RALGAPA1: variants seen among roughly 807,000 people sequenced by gnomAD.
RALGAPA1 encodes Ral GTPase activating protein catalytic subunit alpha 1.
A neutral mutation model predicts 269.6 loss-of-function variants in RALGAPA1; 52 were observed. That is an observed-to-expected ratio of 0.19 (90% CI 0.15 to 0.24). RALGAPA1 has a LOEUF of 0.24. RALGAPA1 is among the 10% of genes least tolerant of loss of function. RALGAPA1 has a pLI of 1.00. For synonymous variants in RALGAPA1, 817 were observed against 1,008.3 expected (o/e 0.81, Z 3.60); for missense variants, 1,917 against 3,013.9 (o/e 0.64, Z 8.52).
At chr14:35,644,172 G>C (rs932357871) in intron 31 of RALGAPA1, among the ~76,000 whole-genome samples, 2 of 152,066 alleles carry the variant, frequency 1.3e-5, no homozygotes, top group Middle Eastern at 3.2e-3. Context: ...CACCTACTAT[G>C]TACCCAGAAC....
intron 12 of RALGAPA1, among the ~76,000 whole-genome samples, chr14:35,731,335 C>T (rs1055393027): frequency 8.5e-5 from 13 of 152,058 alleles, no homozygotes; most frequent in Non-Finnish European, 1.8e-4. Flanking sequence ...CTCTTTAACA[C>T]CCCCAAGAAT....
chr14:35,726,938 T>C (rs754952751), intron 13 of RALGAPA1, among the ~76,000 whole-genome samples: 2 of 152,126 alleles, frequency 1.3e-5, no homozygotes, highest in African/African-American at 2.4e-5. Context: ...ATCTGTATCA[T>C]AGGGTGCTGT....
In RALGAPA1 at chr14:35,671,139, T is replaced by C. The variant is rs547042999; in HGVS notation, c.5202+250A>G. 1.2e-4 allele frequency among the ~76,000 whole-genome samples: 18 copies of C among 152,320 alleles called. No individual in the cohort carries two copies. The East Asian group carries it at 2.9e-3, about 24-fold the overall frequency. On this transcript the variant is annotated intron_variant, in intron 26 of 41. Transcript: ENST00000680220. Reference sequence around the variant, plus strand: ...CCTCTTGCTATAGCCCATTGCTCTTTCTTTGCTTTCTTCCCTCCGTTTCTT... The same window carrying C: ...CCTCTTGCTATAGCCCATTGCTCTTCCTTTGCTTTCTTCCCTCCGTTTCTT...
intron 27 of RALGAPA1, among the ~76,000 whole-genome samples, chr14:35,661,390 C>A (rs535273111): frequency 6.6e-6 from 1 of 151,858 alleles, no homozygotes; most frequent in Admixed American, 6.6e-5. Context: ...GGGGAGAAAA[C>A]GAAGAACAAA....
At chr14:35,703,623 T>C (rs1005212381) in intron 16 of RALGAPA1, among the ~76,000 whole-genome samples, 9 of 152,204 alleles carry the variant, frequency 5.9e-5, no homozygotes, top group East Asian at 3.8e-4. Flanking sequence ...ACCCTCACTA[T>C]AGAAAATTAT....
chr14:35,711,900 T>C (rs2140843567), intron 16 of RALGAPA1, among the ~76,000 whole-genome samples: 1 of 152,334 alleles, frequency 6.6e-6, no homozygotes, highest in East Asian at 1.9e-4. Flanking sequence ...CAAGCTATAA[T>C]CACCTAATAT....
At chr14:35,657,193 T>C (rs76825008) in intron 28 of RALGAPA1, among the ~76,000 whole-genome samples, 2 of 145,218 alleles carry the variant, frequency 1.4e-5, no homozygotes, top group African/African-American at 2.5e-5. Context: ...TTCTTTTTTC[T>C]TTTTTTTTTT....
chr14:35,606,341 T>C (rs2059595471), intron 35 of RALGAPA1, among the ~76,000 whole-genome samples: 1 of 152,184 alleles, frequency 6.6e-6, no homozygotes, highest in African/African-American at 2.4e-5. Flanking sequence ...AAGCTACAAA[T>C]CTGTACAACA....
At chr14:35,548,993 G>T in intron 40 of RALGAPA1, 117 bp downstream of exon 40, 1 of 1,175,016 alleles carries the variant, frequency 8.5e-7, no homozygotes, top group Non-Finnish European at 1.2e-6. Flanking sequence ...ATATTAAATA[G>T]TGATTAAAAA....
chr14:35,730,115 C>A (rs189623933), intron 12 of RALGAPA1, among the ~76,000 whole-genome samples: 1 of 152,302 alleles, frequency 6.6e-6, no homozygotes, highest in Admixed American at 6.5e-5. Context: ...AAAACACACA[C>A]CCATTGGGGA....
intron 12 of RALGAPA1, among the ~76,000 whole-genome samples, chr14:35,732,383 T>C (rs2070573471): frequency 6.7e-6 from 1 of 149,402 alleles, no homozygotes; most frequent in Non-Finnish European, 1.5e-5. Flanking sequence ...AATAGCACAA[T>C]GAATGGAATG....
chr14:35,778,225 A>C (rs2075182851), intron 1 of RALGAPA1, among the ~76,000 whole-genome samples: 1 of 151,868 alleles, frequency 6.6e-6, no homozygotes, highest in Non-Finnish European at 1.5e-5. Flanking sequence ...ACACCTAGCT[A>C]ATTTTTGTAG....
intron 3 of RALGAPA1, among the ~76,000 whole-genome samples, chr14:35,771,653 T>G (rs1028660381): frequency 6.6e-6 from 1 of 152,214 alleles, no homozygotes; most frequent in Admixed American, 6.5e-5. Flanking sequence ...TTACTATTTC[T>G]AGATTTTCTT....
intron 1 of RALGAPA1, among the ~76,000 whole-genome samples, chr14:35,804,570 A>AAAAC (rs2077215569): frequency 6.9e-6 from 1 of 145,676 alleles, no homozygotes; most frequent in Non-Finnish European, 1.5e-5. Context: ...CTCCATCTCA[A>AAAAC]AAATAAATAA....
intron 35 of RALGAPA1, among the ~76,000 whole-genome samples, chr14:35,617,802 C>A (rs1286812901): frequency 6.6e-6 from 1 of 151,340 alleles, no homozygotes; most frequent in Non-Finnish European, 1.5e-5. Flanking sequence ...GAGTTAGAAA[C>A]AGAACATAAC....
At chr14:35,601,884 G>A (rs2059310655) in intron 36 of RALGAPA1, among the ~76,000 whole-genome samples, 1 of 152,132 alleles carries the variant, frequency 6.6e-6, no homozygotes, top group Non-Finnish European at 1.5e-5. Context: ...GATATTCACA[G>A]TTAAGTGCAA....
intron 4 of RALGAPA1, among the ~76,000 whole-genome samples, chr14:35,769,563 T>C (rs1407126967): frequency 6.6e-6 from 1 of 151,988 alleles, no homozygotes; most frequent in Admixed American, 6.5e-5. Flanking sequence ...AACCTGCATA[T>C]GCATCCCCTG....
chr14:35,597,926 T>C (rs1005508420), intron 36 of RALGAPA1, among the ~76,000 whole-genome samples: 3 of 152,234 alleles, frequency 2.0e-5, no homozygotes, highest in African/African-American at 7.2e-5. Context: ...TTGAGGCTTG[T>C]TTTATGGCCC....
intron 28 of RALGAPA1, among the ~76,000 whole-genome samples, chr14:35,656,340 C>G (rs1173670310): frequency 1.3e-5 from 2 of 152,132 alleles, no homozygotes; most frequent in Non-Finnish European, 2.9e-5. Flanking sequence ...TTAAATTTAA[C>G]ACACCTAGCT....
Sources: gnomAD v4.1 joint callset for allele counts (sites outside exome capture counted in the v4.1 genomes callset) on GRCh38, gnomAD v4.1.1 for gene constraint, MANE v1.5 for transcripts, NCBI Gene and HGNC (gene_info 2026-07-23, HGNC 2026-07-21) for gene names.